The following ARHGAP22 variants were observed in gnomAD, a reference collection of about 807,000 sequenced individuals.
The protein encoded by ARHGAP22 is Rho GTPase activating protein 22.
Under a neutral mutation model 59.1 loss-of-function variants are expected in ARHGAP22, and 48 were observed. That is an observed-to-expected ratio of 0.81 (90% CI 0.64 to 1.03). The LOEUF (loss-of-function observed/expected upper bound fraction) is 1.03, where lower values mean the gene tolerates loss of function less well. Ranked by LOEUF, ARHGAP22 falls within the 50% of genes least tolerant of loss-of-function variation. The probability of loss-of-function intolerance (pLI) is 0.00; values close to 1 mark genes in which losing one functional copy is unlikely to be tolerated. For synonymous variants in ARHGAP22, 445 were observed against 416.4 expected (o/e 1.07, Z -0.84); for missense variants, 1,015 against 958.7 (o/e 1.06, Z -0.78).
intron 2 of ARHGAP22, among the ~76,000 whole-genome samples, chr10:48,563,095 A>G (rs2057794059): frequency 6.6e-6 from 1 of 151,916 alleles, no homozygotes; most frequent in Non-Finnish European, 1.5e-5. Flanking sequence ...CACATCTTCA[A>G]ATCACTCCGA....
At chr10:48,471,874 C>T (rs11598657) in intron 4 of ARHGAP22, among the ~76,000 whole-genome samples, 77,292 of 152,064 alleles carry the variant, frequency 0.51, 23,070 homozygotes, top group Non-Finnish European at 0.68. Flanking sequence ...CAAGACATTT[C>T]TCGGCTCAAA....
intron 9 of ARHGAP22, among the ~76,000 whole-genome samples, chr10:48,448,940 A>C (rs1032737395): frequency 1.3e-5 from 2 of 152,218 alleles, no homozygotes; most frequent in African/African-American, 4.8e-5. Context: ...TGGGGCCCAA[A>C]GATCCTGCCA....
chr10:48,521,155 G>A (rs1380985133), intron 3 of ARHGAP22, among the ~76,000 whole-genome samples: 2 of 152,144 alleles, frequency 1.3e-5, no homozygotes, highest in Non-Finnish European at 2.9e-5. Flanking sequence ...CTTTTTGGGA[G>A]CACCTGGAAC....
intron 1 of ARHGAP22, among the ~76,000 whole-genome samples, chr10:48,622,455 T>C (rs2061317135): frequency 6.6e-6 from 1 of 152,206 alleles, no homozygotes; most frequent in African/African-American, 2.4e-5. Context: ...TAACTATATA[T>C]GTTTATGGGG....
chr10:48,434,431 G>C, the ARHGAP22 span, among the ~76,000 whole-genome samples: 3 of 152,274 alleles, frequency 2.0e-5, no homozygotes, highest in South Asian at 6.2e-4. Flanking sequence ...TTCCTTTTTA[G>C]TGAGAAGCTG....
intron 1 of ARHGAP22, among the ~76,000 whole-genome samples, chr10:48,585,643 C>T (rs1310468641): frequency 6.6e-6 from 1 of 152,196 alleles, no homozygotes; most frequent in Non-Finnish European, 1.5e-5. Context: ...CTCTCTGGCA[C>T]CCAAGCAGCT....
At chr10:48,521,564 G>T (rs930126256) in intron 3 of ARHGAP22, among the ~76,000 whole-genome samples, 3 of 152,190 alleles carry the variant, frequency 2.0e-5, no homozygotes, top group Non-Finnish European at 2.9e-5. Flanking sequence ...CTTAGCTGTT[G>T]CTTTAATTGA....
intron 1 of ARHGAP22, among the ~76,000 whole-genome samples, chr10:48,632,115 A>G (rs978398540): frequency 4.6e-5 from 7 of 151,906 alleles, no homozygotes; most frequent in African/African-American, 1.7e-4. Flanking sequence ...TGGTCCCTCA[A>G]CCTCCTCCCA....
chr10:48,480,213 G>A (rs1392338148), intron 3 of ARHGAP22, among the ~76,000 whole-genome samples: 5 of 152,114 alleles, frequency 3.3e-5, no homozygotes, highest in Admixed American at 3.3e-4. Context: ...CTGAAGACAA[G>A]AGTCTCCGTA....
chr10:48,457,475 G>C (rs866054024), intron 5 of ARHGAP22, among the ~76,000 whole-genome samples: 1 of 152,148 alleles, frequency 6.6e-6, no homozygotes, highest in Non-Finnish European at 1.5e-5. Context: ...ATGCATGTGG[G>C]TGCCCCTCCA....
intron 4 of ARHGAP22, among the ~76,000 whole-genome samples, chr10:48,479,404 G>T (rs189507310): frequency 6.6e-6 from 1 of 152,286 alleles, no homozygotes; most frequent in South Asian, 2.1e-4. Context: ...ATAGAATCCA[G>T]TACATTTAGA....
intron 8 of ARHGAP22, chr10:48,451,691 T>C (rs2133608202): frequency 3.6e-6 from 2 of 556,346 alleles, no homozygotes; most frequent in African/African-American, 2.8e-5. Flanking sequence ...ACACGTACAA[T>C]GCACCCCATC....
chr10:48,517,900 G>A (rs2053446527), intron 3 of ARHGAP22, among the ~76,000 whole-genome samples: 1 of 152,216 alleles, frequency 6.6e-6, no homozygotes, highest in Admixed American at 6.5e-5. Flanking sequence ...GAGGTTCTGA[G>A]TGGCAGGGAG....
chr10:48,610,301 T>C lies in ARHGAP22; in HGVS notation c.53-27149A>G, dbSNP rs558110268. On this transcript the variant is annotated intron_variant, in intron 1 of 9. Transcript: ENST00000435790. The stretch of plus-strand genomic sequence containing the variant: ...GAACAGAAGGACAAAGACGCAGAAT[T>C]AGGCACTAGGAAACCACCCAGACAT... 5.3e-5 allele frequency among the ~76,000 whole-genome samples: 8 copies of C among 152,270 alleles called. No homozygotes were observed. The South Asian group carries it at 1.0e-3, about 20-fold the overall frequency.
At chr10:48,449,874 C>T (rs1055580075) in intron 9 of ARHGAP22, among the ~76,000 whole-genome samples, 1 of 152,240 alleles carries the variant, frequency 6.6e-6, no homozygotes, top group African/African-American at 2.4e-5. Flanking sequence ...CTTCCTGGCA[C>T]TCAGCATCCA....
chr10:48,612,100 C>T (rs1192201142), intron 1 of ARHGAP22, among the ~76,000 whole-genome samples: 3 of 151,696 alleles, frequency 2.0e-5, no homozygotes, highest in Non-Finnish European at 2.9e-5. Context: ...GGATTACAGG[C>T]GTGAGCCACC....
At chr10:48,637,836 A>T (rs1039440351) in intron 1 of ARHGAP22, among the ~76,000 whole-genome samples, 3 of 152,196 alleles carry the variant, frequency 2.0e-5, no homozygotes, top group Non-Finnish European at 4.4e-5. Flanking sequence ...CCCTCCCAAC[A>T]AGGATGTCTC....
chr10:48,643,144 C>T lies in ARHGAP22; in HGVS notation c.52+9090G>A, dbSNP rs543704961. On this transcript the variant is annotated intron_variant, in intron 1 of 9. Coordinates refer to the ARHGAP22 transcript ENST00000435790. ...GAACACTTTTACACTGTTGGTGGGA[C>T]TGTAAACTAGTTCGACCATTGTGGA... Among the ~76,000 whole-genome samples, 354 of 152,284 alleles carry T rather than the reference C, an allele frequency of 2.3e-3. 2 individuals are homozygous for T. Among genetic ancestry groups the T allele is most frequent in the African/African-American group, 8.2e-3 (339 of 41,544 alleles).
chr10:48,633,621 A>ATCACTT (rs1480610773), intron 1 of ARHGAP22, among the ~76,000 whole-genome samples: 2 of 152,126 alleles, frequency 1.3e-5, no homozygotes, highest in Non-Finnish European at 2.9e-5. Context: ...GTAAGGGCAT[A>ATCACTT]GAGTAAGCAG....
Sources: gnomAD v4.1 joint callset for allele counts (sites outside exome capture counted in the v4.1 genomes callset) on GRCh38, gnomAD v4.1.1 for gene constraint, MANE v1.5 for transcripts, NCBI Gene and HGNC (gene_info 2026-07-23, HGNC 2026-07-21) for gene names.